The following FOCAD variants were observed in gnomAD, a reference collection of about 807,000 sequenced individuals.
FOCAD encodes KIAA1797.
Under a neutral mutation model 225.6 loss-of-function variants are expected in FOCAD, and 198 were observed. The observed-to-expected ratio is 0.88, with a 90% CI of 0.78 to 0.99. The LOEUF is 0.99. Ranked by LOEUF, FOCAD falls within the 50% of genes least tolerant of loss-of-function variation. The probability of loss-of-function intolerance (pLI) is 0.00; values close to 1 mark genes in which losing one functional copy is unlikely to be tolerated. For missense variants in FOCAD, 2,713 were observed against 2,123.6 expected (o/e 1.28, Z -5.46); for synonymous variants, 897 against 755.0 (o/e 1.19, Z -3.08).
chr9:20,926,933 A>G (rs1370385840), intron 26 of FOCAD, among the ~76,000 whole-genome samples: 8 of 150,876 alleles, frequency 5.3e-5, no homozygotes, highest in Non-Finnish European at 1.5e-5. Context: ...AATATTATAT[A>G]TGTAAATTAT....
chr9:20,923,900 T>G (rs775430885), intron 25 of FOCAD, 132 bp downstream of exon 25: 10 of 645,520 alleles, frequency 1.5e-5, no homozygotes, highest in Non-Finnish European at 2.5e-5. Context: ...GATGGGCCTT[T>G]ATACTGTGAG....
upstream of FOCAD, chr9:20,684,232 G>C (rs937167956): frequency 6.6e-6 from 1 of 152,394 alleles, no homozygotes; most frequent in East Asian, 1.9e-4. Flanking sequence ...CCGGGCGTTC[G>C]AGGCGGCGGG....
chr9:20,858,032 G>A (rs934494733), intron 15 of FOCAD, among the ~76,000 whole-genome samples: 1 of 136,764 alleles, frequency 7.3e-6, no homozygotes, highest in South Asian at 2.3e-4. Context: ...GTTTGTCAGA[G>A]ATATTGGCCT....
At chr9:20,968,016 A>C (rs1839420028) in intron 35 of FOCAD, among the ~76,000 whole-genome samples, 1 of 152,114 alleles carries the variant, frequency 6.6e-6, no homozygotes, top group East Asian at 1.9e-4. Context: ...TTTTTGAAAG[A>C]AATTGAGAAA....
chr9:20,824,331 G>A (rs185568819), intron 15 of FOCAD, among the ~76,000 whole-genome samples: 40 of 152,100 alleles, frequency 2.6e-4, no homozygotes, highest in Admixed American at 2.2e-3. Flanking sequence ...CCACCAAAAG[G>A]TGACCATTTT....
chr9:20,809,037 A>C (rs10964714), intron 11 of FOCAD, among the ~76,000 whole-genome samples: 1 of 152,206 alleles, frequency 6.6e-6, no homozygotes, highest in Non-Finnish European at 1.5e-5. Context: ...ATTACGTTGC[A>C]CATGTTTCTT....
At chr9:20,964,087 C>A (rs1839026266) in intron 35 of FOCAD, among the ~76,000 whole-genome samples, 11 of 151,906 alleles carry the variant, frequency 7.2e-5, no homozygotes, top group Admixed American at 7.2e-4. Context: ...AGGGGTTGGC[C>A]AGATGTGGTG....
rs927429411 is a variant in FOCAD at position 20,950,999 on chromosome 9, A to G, written c.3952A>G (p.Ile1318Val). ...NEVIRTLTQV[I>V]SVSGVIGLQS... ...ACTGTTACCTTTTTATTTGTAGGTC[A>G]TTAGTGTCTCTGGGGTGATTGGTCT... is the stretch of plus-strand genomic sequence containing the variant. The change falls in exon 34 of 44, where the codon ATT becomes GTT. Residue 1318 changes from isoleucine (I) to valine (V), a missense_variant. Physicochemically the swap from Ile to Val is conservative, Grantham distance 29. Transcript: ENST00000338382. 1.9e-6 allele frequency: 3 copies of G among 1,612,464 alleles called. No individual in the cohort carries two copies. Among genetic ancestry groups the G allele is most frequent in the Non-Finnish European group, 1.7e-6 (2 of 1,178,672 alleles).
intron 7 of FOCAD, among the ~76,000 whole-genome samples, chr9:20,766,255 A>G (rs10811399): frequency 0.44 from 67,574 of 151,888 alleles, 15,346 homozygotes; most frequent in Admixed American, 0.52. Context: ...ACAGTTATGT[A>G]AGAAAAAAGG....
intron 21 of FOCAD, among the ~76,000 whole-genome samples, chr9:20,894,693 G>A (rs1243359599): frequency 6.6e-6 from 1 of 151,986 alleles, no homozygotes; most frequent in Non-Finnish European, 1.5e-5. Flanking sequence ...TTTCATAGTT[G>A]AGTTTTAAGA....
At chr9:20,885,775 C>G (rs888576543) in intron 21 of FOCAD, among the ~76,000 whole-genome samples, 1 of 152,092 alleles carries the variant, frequency 6.6e-6, no homozygotes, top group Non-Finnish European at 1.5e-5. Flanking sequence ...AAGAGGGAAG[C>G]TGGAAAGTCC....
At chr9:20,904,345 C>T (rs1401483118) in intron 21 of FOCAD, among the ~76,000 whole-genome samples, 1 of 151,868 alleles carries the variant, frequency 6.6e-6, no homozygotes, top group Admixed American at 6.6e-5. Context: ...AAGTGTTTTC[C>T]ATACCAGCTG....
intron 37 of FOCAD, among the ~76,000 whole-genome samples, chr9:20,980,082 G>A (rs1840558078): frequency 1.3e-5 from 2 of 151,466 alleles, no homozygotes; most frequent in South Asian, 2.1e-4. Context: ...CTTTCTATTT[G>A]TAGTATTGCC....
intron 11 of FOCAD, among the ~76,000 whole-genome samples, chr9:20,795,094 C>G (rs1207914891): frequency 6.6e-6 from 1 of 151,872 alleles, no homozygotes; most frequent in Non-Finnish European, 1.5e-5. Flanking sequence ...CTAATTAAAA[C>G]ATGGAAAGTG....
intron 2 of FOCAD, among the ~76,000 whole-genome samples, chr9:20,660,044 T>G (rs566171426): frequency 8.5e-4 from 130 of 152,338 alleles, no homozygotes; most frequent in Non-Finnish European, 1.3e-4. Context: ...AGTTTTGTTT[T>G]CAAGATAATG....
chr9:20,695,174 A>G (rs748500452), intron 1 of FOCAD, among the ~76,000 whole-genome samples: 1 of 152,062 alleles, frequency 6.6e-6, no homozygotes, highest in Non-Finnish European at 1.5e-5. Context: ...AAATATAGAG[A>G]GTTGTGTATA....
intron 6 of FOCAD, among the ~76,000 whole-genome samples, chr9:20,758,521 C>G (rs894393852): frequency 3.4e-5 from 5 of 148,076 alleles, no homozygotes; most frequent in South Asian, 2.2e-4. Flanking sequence ...CCCCCTCCCC[C>G]AACCCCACAA....
chr9:20,714,961 C>T (rs1386468156), intron 1 of FOCAD, among the ~76,000 whole-genome samples: 3 of 152,042 alleles, frequency 2.0e-5, no homozygotes, highest in African/African-American at 2.4e-5. Flanking sequence ...ATTTTATGAC[C>T]GTTTGACTCT....
intron 2 of FOCAD, among the ~76,000 whole-genome samples, chr9:20,679,117 GTGTA>G (rs1374004073): frequency 7.8e-5 from 10 of 128,966 alleles, no homozygotes; most frequent in Non-Finnish European, 1.5e-4. Context: ...CAGACAGTCT[GTGTA>G]TGTGTGTGTG....
Sources: gnomAD v4.1 joint callset for allele counts (sites outside exome capture counted in the v4.1 genomes callset) on GRCh38, gnomAD v4.1.1 for gene constraint, MANE v1.5 for transcripts, NCBI Gene and HGNC (gene_info 2026-07-23, HGNC 2026-07-21) for gene names.